HSD17B4: variants seen among roughly 807,000 people sequenced by gnomAD.
The protein encoded by HSD17B4 is peroxisomal multifunctional enzyme type 2.
A neutral mutation model predicts 101.0 loss-of-function variants in HSD17B4; 70 were observed. The observed-to-expected ratio is 0.69, with a 90% CI of 0.57 to 0.85. The LOEUF is 0.85. HSD17B4 is among the 40% of genes least tolerant of loss of function. HSD17B4 has a pLI of 0.00. For synonymous variants in HSD17B4, 347 were observed against 297.1 expected (o/e 1.17, Z -1.73); for missense variants, 984 against 892.4 (o/e 1.10, Z -1.31).
intron 1 of HSD17B4, among the ~76,000 whole-genome samples, chr5:119,454,369 G>A (rs898508437): frequency 1.3e-5 from 2 of 150,754 alleles, no homozygotes; most frequent in African/African-American, 4.9e-5. Flanking sequence ...GCAGTGACCC[G>A]ATCATGGCTC....
chr5:119,531,610 T>TAA (rs1754125043), intron 22 of HSD17B4, among the ~76,000 whole-genome samples: 1 of 151,432 alleles, frequency 6.6e-6, no homozygotes, highest in East Asian at 1.9e-4. Flanking sequence ...TGTGTGTGTG[T>TAA]AAGAGATGTA....
chr5:119,506,795 ATTTCT>A lies in HSD17B4; in HGVS notation c.1262-19_1262-15del. The A allele has an allele frequency of 2.2e-6, 3 of 1,371,790 alleles. No individual in the cohort carries two copies. The highest frequency in any genetic ancestry group is 3.1e-6 in the Non-Finnish European group (3 of 961,660). 85.0% of individuals were successfully genotyped at this position (1,371,790 alleles called of 1,614,324 possible). A position where few individuals can be genotyped will look rare whatever the true frequency, so the allele number is the denominator to read the frequency against. On this transcript the variant is annotated intron_variant, in intron 14 of 23. Transcript: ENST00000510025. The stretch of plus-strand genomic sequence containing the variant: ...TAATCTTTGGTTTTTAAGACACTGT[ATTTCT>A]TTTACTTTTCTTTCTAGGAAAATTA...
At chr5:119,474,739 C>G (rs571597479) in intron 4 of HSD17B4, among the ~76,000 whole-genome samples, 1 of 151,896 alleles carries the variant, frequency 6.6e-6, no homozygotes, top group Non-Finnish European at 1.5e-5. Flanking sequence ...TCAGTTAAAC[C>G]TCAAAGATGT....
chr5:119,536,211 TTC>T (rs1346545132), intron 22 of HSD17B4: 9 of 499,166 alleles, frequency 1.8e-5, no homozygotes, highest in Non-Finnish European at 3.6e-6. Flanking sequence ...GAAGTTCCAC[TTC>T]TTTACCTCAA....
At chr5:119,541,269 A>G (rs1754964895) in intron 23 of HSD17B4, among the ~76,000 whole-genome samples, 1 of 152,132 alleles carries the variant, frequency 6.6e-6, no homozygotes, top group African/African-American at 2.4e-5. Flanking sequence ...AGCACTCTAC[A>G]CATTACTTTA....
At chr5:119,513,423 G>T (rs1362754619) in intron 16 of HSD17B4, among the ~76,000 whole-genome samples, 2 of 151,396 alleles carry the variant, frequency 1.3e-5, no homozygotes, top group Non-Finnish European at 2.9e-5. Context: ...TCACTGTATC[G>T]CCCAGCCTGG....
intron 2 of HSD17B4, among the ~76,000 whole-genome samples, chr5:119,462,169 T>G (rs1755308958): frequency 1.3e-5 from 2 of 151,730 alleles, no homozygotes; most frequent in South Asian, 4.2e-4. Flanking sequence ...GTCTTACCAT[T>G]TTTTGCTACC....
chr5:119,494,649 A>C (rs1017934085), intron 11 of HSD17B4, among the ~76,000 whole-genome samples: 6 of 152,104 alleles, frequency 3.9e-5, no homozygotes, highest in African/African-American at 1.4e-4. Flanking sequence ...TTGAGCATCT[A>C]ATTTTAACTG....
At chr5:119,522,163 C>T (rs150510448) in intron 17 of HSD17B4, among the ~76,000 whole-genome samples, 14,427 of 151,950 alleles carry the variant, frequency 0.095, 892 homozygotes, top group South Asian at 0.16. Flanking sequence ...TCAATTCCCA[C>T]GTATGAGTGA....
At chr5:119,467,542 T>C (rs1755930781) in intron 2 of HSD17B4, among the ~76,000 whole-genome samples, 1 of 152,260 alleles carries the variant, frequency 6.6e-6, no homozygotes, top group South Asian at 2.1e-4. Flanking sequence ...CTTTATATAA[T>C]GACCTTGTTT....
intron 14 of HSD17B4, among the ~76,000 whole-genome samples, chr5:119,503,792 T>C (rs1751411412): frequency 6.6e-6 from 1 of 152,118 alleles, no homozygotes; most frequent in African/African-American, 2.4e-5. Context: ...AAAAAGAATT[T>C]TAACTTTTAT....
chr5:119,511,867 CAG>C (rs371418560), intron 16 of HSD17B4, among the ~76,000 whole-genome samples: 4,146 of 152,166 alleles, frequency 0.027, 175 homozygotes, highest in African/African-American at 0.092. Flanking sequence ...ATGGAAGAAA[CAG>C]GAGAGTGTGA....
At chr5:119,514,869 A>G in intron 16 of HSD17B4, 112 bp from the exon 17 acceptor site, 2 of 737,852 alleles carry the variant, frequency 2.7e-6, no homozygotes, top group Non-Finnish European at 2.5e-6. Flanking sequence ...CCTTTTATCC[A>G]ATTTGCAGAG....
chr5:119,496,094 C>G lies in HSD17B4; in HGVS notation c.869-449C>G, dbSNP rs1488387185. 1.9e-4 allele frequency among the ~76,000 whole-genome samples: 29 copies of G among 152,126 alleles called. 1 individual carries two copies. The highest frequency in any genetic ancestry group is 2.1e-4 in the South Asian group (1 of 4,828). On this transcript the variant is annotated intron_variant, in intron 11 of 23. Transcript: ENST00000510025. ...TTTGGTACTATCTTCAGAGCTATTA[C>G]TTGTACAAAGAACTGGGAGTAGGGG...
intron 1 of HSD17B4, among the ~76,000 whole-genome samples, chr5:119,455,362 C>T (rs1409582305): frequency 6.6e-6 from 1 of 151,982 alleles, no homozygotes; most frequent in African/African-American, 2.4e-5. Flanking sequence ...ACTAAAAATA[C>T]AAAAATTAGC....
chr5:119,464,443 C>G (rs1485665720), intron 2 of HSD17B4, among the ~76,000 whole-genome samples: 1 of 152,166 alleles, frequency 6.6e-6, no homozygotes, highest in Non-Finnish European at 1.5e-5. Context: ...ATTGAAGAGA[C>G]TGTCATTTCC....
At chr5:119,490,111 G>C (rs1166426225) in intron 9 of HSD17B4, among the ~76,000 whole-genome samples, 2 of 151,984 alleles carry the variant, frequency 1.3e-5, no homozygotes, top group Non-Finnish European at 2.9e-5. Context: ...TAAAGTGAGG[G>C]ATATATTAGC....
At chr5:119,496,397 A>G in intron 11 of HSD17B4, 146 bp from the exon 12 acceptor site, 1 of 635,170 alleles carries the variant, frequency 1.6e-6, no homozygotes, top group South Asian at 1.9e-5. Flanking sequence ...CAATAGCCTG[A>G]CATACATTCA....
At chr5:119,525,734 C>A in intron 18 of HSD17B4, 183 bp from the exon 19 acceptor site, 67 of 421,918 alleles carry the variant, frequency 1.6e-4, no homozygotes, top group Non-Finnish European at 1.9e-4. Context: ...TTCTTTCTTT[C>A]TTTATTTCAT....
Sources: gnomAD v4.1 joint callset for allele counts (sites outside exome capture counted in the v4.1 genomes callset) on GRCh38, gnomAD v4.1.1 for gene constraint, MANE v1.5 for transcripts, NCBI Gene and HGNC (gene_info 2026-07-23, HGNC 2026-07-21) for gene names.